CAV1: variants seen among roughly 807,000 people sequenced by gnomAD.
CAV1 encodes caveolin-1.
In CAV1, 10 loss-of-function variants were observed where a neutral mutation model predicts 16.5. That is an observed-to-expected ratio of 0.61 (90% confidence interval 0.37 to 1.03). CAV1 has a LOEUF of 1.03. Among genes scored for constraint, CAV1 ranks in the 50% least tolerant of loss-of-function variants. The pLI is 0.01. For synonymous variants in CAV1, 76 were observed against 85.1 expected (o/e 0.89, Z 0.59); for missense variants, 212 against 232.8 (o/e 0.91, Z 0.58).
At chr7:116,553,852 T>C (rs1794211930) in intron 2 of CAV1, among the ~76,000 whole-genome samples, 1 of 152,142 alleles carries the variant, frequency 6.6e-6, no homozygotes, top group Non-Finnish European at 1.5e-5. Context: ...AGAGGCATCA[T>C]CATCCACTCA....
At chr7:116,531,709 G>A (rs1793690224) in intron 2 of CAV1, among the ~76,000 whole-genome samples, 1 of 152,160 alleles carries the variant, frequency 6.6e-6, no homozygotes, top group East Asian at 1.9e-4. Context: ...TCTAGCATTA[G>A]GTTTAAAAGA....
chr7:116,525,331 C>G (rs774423825), intron 1 of CAV1: 2 of 1,546,852 alleles, frequency 1.3e-6, no homozygotes, highest in South Asian at 1.2e-5. Context: ...TAGGAGGACA[C>G]GGAAAAGGGG....
chr7:116,527,025 G>T, intron 2 of CAV1: 3 of 380,814 alleles, frequency 7.9e-6, no homozygotes, highest in Non-Finnish European at 1.5e-5. Flanking sequence ...GGGACGGTGA[G>T]ATGGTTCCTA....
intron 2 of CAV1, among the ~76,000 whole-genome samples, chr7:116,547,413 G>C (rs1794073272): frequency 6.6e-6 from 1 of 152,180 alleles, no homozygotes; most frequent in African/African-American, 2.4e-5. Flanking sequence ...AAAAGGAAAG[G>C]AGGAATAAGA....
chr7:116,527,809 C>T (rs1793599661), intron 2 of CAV1, among the ~76,000 whole-genome samples: 2 of 151,970 alleles, frequency 1.3e-5, no homozygotes, highest in Admixed American at 6.5e-5. Context: ...GTTCACAAAC[C>T]GTTTACATTC....
At position 116,560,416 on chromosome 7, in the gene CAV1, G is replaced by A. The variant is rs996324095; in HGVS notation, c.*1129G>A. ...CTGTAAAATGGAGGCCATTGTGTGAGCCTATCAGAGTTGCTGCAAACCTGA... is the reference window on the plus strand; with the variant it reads ...CTGTAAAATGGAGGCCATTGTGTGAACCTATCAGAGTTGCTGCAAACCTGA... On this transcript the variant is annotated 3_prime_UTR_variant, in exon 3 of 3. Coordinates refer to ENST00000341049, the MANE Select transcript of CAV1 (RefSeq NM_001753.5). 1 of 152,214 alleles carries A rather than the reference G, an allele frequency of 6.6e-6. No homozygotes were observed. 9.4% of individuals were successfully genotyped at this position (152,214 alleles called of 1,614,324 possible). A position where few individuals can be genotyped will look rare whatever the true frequency, so the allele number is the denominator to read the frequency against.
At chr7:116,534,067 G>A (rs547571478) in intron 2 of CAV1, among the ~76,000 whole-genome samples, 5 of 151,424 alleles carry the variant, frequency 3.3e-5, no homozygotes, top group Admixed American at 3.3e-4. Flanking sequence ...AAATACAAAA[G>A]ATTAGCTGGG....
At chr7:116,533,151 C>T (rs1467972463) in intron 2 of CAV1, among the ~76,000 whole-genome samples, 1 of 151,976 alleles carries the variant, frequency 6.6e-6, no homozygotes, top group African/African-American at 2.4e-5. Flanking sequence ...ATCATCCTGG[C>T]CAACACGGTG....
At chr7:116,552,886 G>T (rs1199511298) in intron 2 of CAV1, among the ~76,000 whole-genome samples, 2 of 152,160 alleles carry the variant, frequency 1.3e-5, no homozygotes, top group Non-Finnish European at 2.9e-5. Context: ...GAAATCAAAG[G>T]ATTATTACCA....
Position 116,559,303 on chromosome 7 carries a change from T to C in CAV1, c.*16T>C, listed in dbSNP as rs1386160027. 2.5e-6 allele frequency: 4 copies of C among 1,591,066 alleles called. No homozygotes were observed. The highest frequency in any genetic ancestry group is 3.4e-6 in the Non-Finnish European group (4 of 1,159,510). ...AGAAATATAAATGACATTTCAAGGA[T>C]AGAAGTATACCTGATTTTTTTTCCT... On this transcript the variant is annotated 3_prime_UTR_variant, in exon 3 of 3. Transcript: ENST00000341049.
intron 1 of CAV1, chr7:116,525,998 T>G: frequency 4.1e-6 from 1 of 245,590 alleles, no homozygotes; most frequent in Non-Finnish European, 6.5e-6. Context: ...AAAGGGAACA[T>G]TCCACGGGTC....
chr7:116,549,225 T>A (rs913300802), intron 2 of CAV1, among the ~76,000 whole-genome samples: 6 of 152,234 alleles, frequency 3.9e-5, no homozygotes, highest in African/African-American at 1.4e-4. Flanking sequence ...CCTGGGCTGC[T>A]TCTCCTGCCT....
chr7:116,553,654 T>A (rs1230483885), intron 2 of CAV1, among the ~76,000 whole-genome samples: 2 of 152,072 alleles, frequency 1.3e-5, no homozygotes, highest in Non-Finnish European at 2.9e-5. Context: ...TTAAGCCCAT[T>A]TTTAATTCTT....
chr7:116,529,434 C>T (rs1457764426), intron 2 of CAV1, among the ~76,000 whole-genome samples: 1 of 152,198 alleles, frequency 6.6e-6, no homozygotes, highest in Non-Finnish European at 1.5e-5. Flanking sequence ...ACACTAGCCA[C>T]GTTGTGAGTG....
At chr7:116,529,735 T>C (rs886777340) in intron 2 of CAV1, among the ~76,000 whole-genome samples, 1 of 152,248 alleles carries the variant, frequency 6.6e-6, no homozygotes, top group African/African-American at 2.4e-5. Flanking sequence ...TCCAATAAAA[T>C]TAATTTCTCA....
chr7:116,541,753 CAAAA>C (rs5886829), intron 2 of CAV1, among the ~76,000 whole-genome samples: 15 of 108,998 alleles, frequency 1.4e-4, no homozygotes, highest in Admixed American at 9.1e-5. Context: ...GAGCCTGCCT[CAAAA>C]AAAAAAAAAA....
intron 2 of CAV1, among the ~76,000 whole-genome samples, chr7:116,544,473 C>G (rs957249169): frequency 2.6e-5 from 4 of 152,082 alleles, no homozygotes; most frequent in Non-Finnish European, 4.4e-5. Flanking sequence ...CATACACACA[C>G]ACTACATTAA....
intron 2 of CAV1, among the ~76,000 whole-genome samples, chr7:116,536,342 C>A (rs2115989020): frequency 6.6e-6 from 1 of 152,212 alleles, no homozygotes; most frequent in East Asian, 1.9e-4. Context: ...CAGGTGTGGA[C>A]TGAGTAGTTA....
rs886175009 is a variant in CAV1, at chr7:116,560,059, C to T, written c.*772C>T. 7 of 379,934 alleles carry T rather than the reference C, an allele frequency of 1.8e-5. No individual in the cohort carries two copies. The highest frequency in any genetic ancestry group is 1.5e-4 in the South Asian group (1 of 6,820). The allele number at this position is 379,934 out of a possible 1,614,324, so 23.5% of individuals were successfully genotyped here. A position where few individuals can be genotyped will look rare whatever the true frequency, so the allele number is the denominator to read the frequency against. ...AATATCCATGACCTAGTTTTCCATGCGTGTTTCTGACTCTGAGCTACAGAG... is the reference window on the plus strand; with the variant it reads ...AATATCCATGACCTAGTTTTCCATGTGTGTTTCTGACTCTGAGCTACAGAG... On this transcript the variant is annotated 3_prime_UTR_variant, in exon 3 of 3. Transcript: ENST00000341049.
Sources: gnomAD v4.1 joint callset for allele counts (sites outside exome capture counted in the v4.1 genomes callset) on GRCh38, gnomAD v4.1.1 for gene constraint, MANE v1.5 for transcripts, NCBI Gene and HGNC (gene_info 2026-07-23, HGNC 2026-07-21) for gene names.